SATL1: variants seen among roughly 807,000 people sequenced by gnomAD.
SATL1 encodes spermidine/spermine N(1)-acetyltransferase-like protein 1.
Under a neutral mutation model 51.8 loss-of-function variants are expected in SATL1, and 47 were observed. The ratio of observed to expected loss-of-function variants is 0.91; its 90% CI spans 0.72 to 1.16. The LOEUF is 1.16. Among genes scored for constraint, SATL1 ranks in the 50% most tolerant of loss-of-function variants. The pLI, the probability that SATL1 is intolerant of heterozygous loss-of-function variation, is 0.00. For synonymous variants in SATL1, 176 were observed against 182.4 expected (o/e 0.97, Z 0.28); for missense variants, 520 against 526.4 (o/e 0.99, Z 0.12).
intron 2 of SATL1, among the ~76,000 whole-genome samples, chrX:85,159,477 T>C (rs887592311): frequency 9.0e-6 from 1 of 110,847 alleles, no homozygotes; most frequent in Non-Finnish European, 1.9e-5. Flanking sequence ...TGATCTGAGG[T>C]GGAACAGTTT....
intron 2 of SATL1, among the ~76,000 whole-genome samples, chrX:85,161,370 T>A (rs2147728472): frequency 9.2e-6 from 1 of 108,332 alleles, no homozygotes; most frequent in South Asian, 4.0e-4. Flanking sequence ...AGTGGCAAGC[T>A]CAATAAAGAA....
chrX:85,099,960 C>G (rs1965069083), intron 4 of SATL1, among the ~76,000 whole-genome samples: 1 of 112,668 alleles, frequency 8.9e-6, no homozygotes. Flanking sequence ...AATCCCAACA[C>G]TTTGGGAGGC....
rs774739458 is a variant in SATL1, at chrX:85,150,227, A to C, written c.-312-40947T>G. On this transcript the variant is annotated intron_variant, in intron 2 of 7. Transcript: ENST00000644105. ...CTAGAAAATCTAGAAGAAATGGATAAATTCCTCGACACATACACTCTCCCA... is the reference window on the plus strand; with the variant it reads ...CTAGAAAATCTAGAAGAAATGGATACATTCCTCGACACATACACTCTCCCA... 5.4e-4 allele frequency among the ~76,000 whole-genome samples: 61 copies of C among 111,997 alleles called. No homozygotes were observed. The South Asian group carries it at 0.013, about 24-fold the overall frequency.
In SATL1 at chrX:85,205,767, A is replaced by G. The variant is rs761584326; in HGVS notation, c.-313+18438T>C. Among the ~76,000 whole-genome samples, 4 of 111,597 alleles carry G rather than the reference A, an allele frequency of 3.6e-5. No homozygotes were observed. In the East Asian group the frequency reaches 8.4e-4, roughly 24 times the overall value. On this transcript the variant is annotated intron_variant, in intron 2 of 7. Coordinates refer to ENST00000644105, the MANE Select transcript of SATL1 (RefSeq NM_001367857.2). ...AAAGTCATACAGGAGCACTGCCTCT[A>G]TGGTAATAATTCTAAATGTTGTAAA...
chrX:85,208,510 CCCA>C (rs1927838546), intron 2 of SATL1, among the ~76,000 whole-genome samples: 1 of 111,804 alleles, frequency 8.9e-6, no homozygotes, highest in African/African-American at 3.3e-5. Context: ...AATTTACACT[CCCA>C]CCAACAGTGT....
chrX:85,197,966 C>G, intron 2 of SATL1, among the ~76,000 whole-genome samples: 1 of 109,909 alleles, frequency 9.1e-6, no homozygotes, highest in East Asian at 2.9e-4. Flanking sequence ...TAAAAATCCC[C>G]ACCCCTTGCC....
chrX:85,178,643 C>CAA (rs1801891171), intron 2 of SATL1, among the ~76,000 whole-genome samples: 1 of 104,828 alleles, frequency 9.5e-6, no homozygotes, highest in African/African-American at 3.6e-5. Context: ...AACAAACAAA[C>CAA]AAACAAAAAA....
intron 2 of SATL1, chrX:85,117,311 C>T (rs778559066): frequency 2.7e-5 from 3 of 111,595 alleles, no homozygotes; most frequent in Non-Finnish European, 3.8e-5. Flanking sequence ...CCTTATTTCC[C>T]TCAGTCAAAT....
intron 2 of SATL1, among the ~76,000 whole-genome samples, chrX:85,218,881 A>G (rs1490521990): frequency 8.9e-6 from 1 of 112,371 alleles, no homozygotes; most frequent in Non-Finnish European, 1.9e-5. Flanking sequence ...GCAGCCAGGA[A>G]TTATTTTACT....
At chrX:85,121,994 A>C (rs1925518844) in intron 2 of SATL1, among the ~76,000 whole-genome samples, 1 of 107,347 alleles carries the variant, frequency 9.3e-6, no homozygotes, top group African/African-American at 3.4e-5. Context: ...ACAAATTGTC[A>C]TTTGTCAGTT....
intron 2 of SATL1, among the ~76,000 whole-genome samples, chrX:85,129,442 C>T (rs1293772231): frequency 9.0e-6 from 1 of 111,599 alleles, no homozygotes; most frequent in Non-Finnish European, 1.9e-5. Flanking sequence ...ATTTGGCTCT[C>T]TGTTTGTCTG....
chrX:85,095,812 C>T (rs778233594), intron 4 of SATL1, among the ~76,000 whole-genome samples: 1 of 69,225 alleles, frequency 1.4e-5, no homozygotes, highest in South Asian at 1.1e-3. Context: ...GGCGACAGAG[C>T]GAGACTCCGT....
At chrX:85,133,574 G>C in intron 2 of SATL1, among the ~76,000 whole-genome samples, 1 of 112,377 alleles carries the variant, frequency 8.9e-6, no homozygotes, top group South Asian at 3.7e-4. Context: ...CCCTTGGCTA[G>C]GAAAGGGAAA....
chrX:85,100,597 G>A (rs761486321), intron 4 of SATL1, among the ~76,000 whole-genome samples: 2 of 111,866 alleles, frequency 1.8e-5, no homozygotes, highest in South Asian at 7.6e-4. Context: ...TGTATGCATA[G>A]GAATACAACA....
intron 2 of SATL1, among the ~76,000 whole-genome samples, chrX:85,178,069 TC>T (rs1223075491): frequency 1.8e-5 from 2 of 111,770 alleles, no homozygotes; most frequent in African/African-American, 6.5e-5. Flanking sequence ...TCCTTAAGCT[TC>T]CTTCATATTT....
At chrX:85,159,047 T>C (rs887708383) in intron 2 of SATL1, among the ~76,000 whole-genome samples, 1 of 111,568 alleles carries the variant, frequency 9.0e-6, no homozygotes, top group African/African-American at 3.3e-5. Context: ...CATACCATCA[T>C]CAAATAGTTA....
intron 2 of SATL1, chrX:85,142,548 G>C (rs944348582): frequency 1.1e-4 from 12 of 110,932 alleles, no homozygotes; most frequent in African/African-American, 3.9e-4. Context: ...TTTATTAGTG[G>C]CAAGAAAGGA....
intron 2 of SATL1, among the ~76,000 whole-genome samples, chrX:85,162,834 G>A (rs747356803): frequency 3.6e-4 from 40 of 111,239 alleles, no homozygotes; most frequent in Non-Finnish European, 7.4e-4. Flanking sequence ...TTTATGTGGT[G>A]TATCACATTT....
chrX:85,180,528 A>G (rs1017634670), intron 2 of SATL1, among the ~76,000 whole-genome samples: 2 of 111,962 alleles, frequency 1.8e-5, no homozygotes, highest in Admixed American at 9.5e-5. Context: ...ATATTGTGTT[A>G]TAATCTTATG....
Sources: gnomAD v4.1 joint callset for allele counts (sites outside exome capture counted in the v4.1 genomes callset) on GRCh38, gnomAD v4.1.1 for gene constraint, MANE v1.5 for transcripts, NCBI Gene and HGNC (gene_info 2026-07-23, HGNC 2026-07-21) for gene names.